EIF4A1: variants seen among roughly 807,000 people sequenced by gnomAD.
EIF4A1 encodes eukaryotic translation initiation factor 4A1.
EIF4A1 carries 11 observed loss-of-function variants against 53.5 expected under a neutral mutation model. The ratio of observed to expected loss-of-function variants is 0.21; its 90% CI spans 0.13 to 0.34. The LOEUF is 0.34. EIF4A1 is among the 10% of genes least tolerant of loss of function. The probability of loss-of-function intolerance (pLI) is 1.00; values close to 1 mark genes in which losing one functional copy is unlikely to be tolerated. For synonymous variants in EIF4A1, 237 were observed against 186.7 expected, an observed-to-expected ratio of 1.27 and a Z score of -2.20; for missense variants, 213 against 530.8, an observed-to-expected ratio of 0.40 and a Z score of 5.88.
chr17:7,577,001 T>G lies in EIF4A1; in HGVS notation c.515-55T>G. 6.3e-7 allele frequency: 1 copy of G among 1,594,556 alleles called. No homozygotes were observed. The highest frequency in any genetic ancestry group is 1.1e-5 in the South Asian group (1 of 90,062). ...TTTTATCAGCGAAGTTGGATATATC[T>G]CTCCCACATTTCCCTAATCATATGC... On this transcript the variant is annotated intron_variant, in intron 5 of 10. Transcript: ENST00000293831. The surrounding 1 kb of genome is among the most constrained non-coding windows in gnomAD (Gnocchi z 4.7).
intron 1 of EIF4A1, chr17:7,573,234 C>T (rs560608521): frequency 2.5e-5 from 10 of 400,920 alleles, no homozygotes; most frequent in Admixed American, 1.2e-4. Flanking sequence ...GGTTGCCTCC[C>T]TGTGCCGGGG....
At chr17:7,575,331 T>C in intron 4 of EIF4A1, 73 bp downstream of exon 4, 1 of 1,594,750 alleles carries the variant, frequency 6.3e-7, no homozygotes, top group Non-Finnish European at 8.6e-7. Context: ...ACCAGAGAAG[T>C]CTTCTCTGAT....
intron 1 of EIF4A1, chr17:7,573,225 G>A: frequency 2.3e-6 from 1 of 430,590 alleles, no homozygotes; most frequent in Non-Finnish European, 4.2e-6. Context: ...GGCAGGTCCG[G>A]TTGCCTCCCT....
In EIF4A1 at chr17:7,578,159, A is replaced by C; in HGVS notation, c.997-6A>C. ...ACATGCTGAAGAGTTGTCTTTCTTGACGTAGGCCAGAGGCATTGATGTGCA... is the reference window on the plus strand; with the variant it reads ...ACATGCTGAAGAGTTGTCTTTCTTGCCGTAGGCCAGAGGCATTGATGTGCA... On this transcript the variant is annotated splice_polypyrimidine_tract_variant and splice_region_variant and intron_variant, in intron 9 of 10. Coordinates refer to ENST00000293831, the MANE Select transcript of EIF4A1 (RefSeq NM_001416.4). The C allele has an allele frequency of 1.2e-6, 2 of 1,614,114 alleles. No individual in the cohort carries two copies. Among genetic ancestry groups the C allele is most frequent in the Non-Finnish European group, 1.7e-6 (2 of 1,180,018 alleles).
intron 3 of EIF4A1, 195 bp from the exon 4 acceptor site, chr17:7,574,924 C>T (rs2071380885): frequency 2.0e-6 from 2 of 1,010,896 alleles, no homozygotes; most frequent in African/African-American, 3.1e-5. Flanking sequence ...GCTTGGTGTG[C>T]AATACTAGAT....
chr17:7,572,999 A>G, intron 1 of EIF4A1, 135 bp downstream of exon 1: 2 of 1,510,682 alleles, frequency 1.3e-6, no homozygotes, highest in Non-Finnish European at 1.8e-6. Flanking sequence ...TCCGACTTGG[A>G]GGGGCGAGGG....
Position 7,576,594 on chromosome 17 carries a change from A to G in EIF4A1, c.416A>G (p.Asn139Ser), listed in dbSNP as rs1229174572. 6 of 1,613,916 alleles carry G rather than the reference A, an allele frequency of 3.7e-6. No homozygotes were observed. The highest frequency in any genetic ancestry group is 5.1e-6 in the Non-Finnish European group (6 of 1,179,968). ...TGTCACGCCTGTATCGGGGGCACCAACGTGCGTGCTGAGGTGCAGAAACTG... is the reference window on the plus strand; with the variant it reads ...TGTCACGCCTGTATCGGGGGCACCAGCGTGCGTGCTGAGGTGCAGAAACTG... ...ASCHACIGGT[N>S]VRAEVQKLQM... Residue 139 changes from asparagine to serine, a missense_variant, in exon 5 of 11, where the codon AAC (asparagine) becomes AGC (serine). Physicochemically the swap from Asn to Ser is conservative, Grantham distance 46. Transcript: ENST00000293831.
chr17:7,578,207 T>C lies in EIF4A1; in HGVS notation c.1039T>C (p.Tyr347His), dbSNP rs1296084728. 1 of 1,614,088 alleles carries C rather than the reference T, an allele frequency of 6.2e-7. No homozygotes were observed. Among genetic ancestry groups the C allele is most frequent in the African/African-American group, 1.3e-5 (1 of 74,920 alleles). Reference protein sequence around the residue: ...DVQQVSLVINYDLPTNRENYI... With the variant: ...DVQQVSLVINHDLPTNRENYI... ...GCAGCAGGTTTCTTTAGTCATCAAC[T>C]ATGACCTTCCCACCAACAGGGAAAA... Residue 347 changes from tyrosine to histidine, a missense_variant, in exon 10 of 11, where the codon TAT becomes CAT. Tyr to His is a moderately conservative substitution (Grantham distance 83, BLOSUM62 2). This residue lies in a region of EIF4A1 where 13 missense variants were observed against 103.3 expected (regional missense o/e 0.13). Transcript: ENST00000293831.
In EIF4A1 at chr17:7,572,851, A is replaced by G; in HGVS notation, c.10A>G (p.Ser4Gly). The stretch of plus-strand genomic sequence containing the variant: ...CTAGTTTCTAAGGATCATGTCTGCG[A>G]GCCAGGATTCCCGGTAAGAAAGGCA... Reference protein sequence around the residue: MSASQDSRSRDNGP... With the variant: MSAGQDSRSRDNGP... Residue 4 changes from serine to glycine, a missense_variant, in exon 1 of 11, where the codon AGC (serine) becomes GGC (glycine). Physicochemically the swap from Ser to Gly is moderately conservative, Grantham distance 56 (BLOSUM62 0). This residue lies in a region of EIF4A1 where 53 missense variants were observed against 34.0 expected (regional missense o/e 1.56). Coordinates refer to ENST00000293831, the MANE Select transcript of EIF4A1 (RefSeq NM_001416.4). 1 of 1,614,152 alleles carries G rather than the reference A, an allele frequency of 6.2e-7. No homozygotes were observed. Among genetic ancestry groups the G allele is most frequent in the Non-Finnish European group, 8.5e-7 (1 of 1,179,980 alleles).
chr17:7,576,499 T>C, intron 4 of EIF4A1, 25 bp from the exon 5 acceptor site: 1 of 1,536,858 alleles, frequency 6.5e-7, no homozygotes, highest in Non-Finnish European at 8.8e-7. Context: ...AACTGACATA[T>C]GAGCACCTGC....
chr17:7,575,792 C>A, intron 4 of EIF4A1: 1 of 221,508 alleles, frequency 4.5e-6, no homozygotes, highest in Non-Finnish European at 9.2e-6. Flanking sequence ...ACTTGGCTCT[C>A]AGTTTTCTCA....
chr17:7,576,793 C>T, intron 5 of EIF4A1, 101 bp downstream of exon 5: 1 of 1,543,610 alleles, frequency 6.5e-7, no homozygotes, highest in South Asian at 1.2e-5. Context: ...ATGCTGGTTT[C>T]TCTCTGGGGG....
Position 7,579,006 on chromosome 17 carries a change from C to T in EIF4A1, c.*520C>T, listed in dbSNP as rs2071442472. ...CTGAATAAAATGACTTGGAAACTGC[C>T]TGTTTGGGCTTCTCATTTCTTACCT... On this transcript the variant is annotated 3_prime_UTR_variant, in exon 11 of 11. Transcript: ENST00000293831. 6.5e-6 allele frequency: 1 copy of T among 154,384 alleles called. No homozygotes were observed. The allele number at this position is 154,384 out of a possible 1,614,324, so 9.6% of individuals were successfully genotyped here.
chr17:7,576,498 A>T (rs931070914), intron 4 of EIF4A1, 26 bp from the exon 5 acceptor site: 1 of 1,536,418 alleles, frequency 6.5e-7, no homozygotes, highest in South Asian at 1.3e-5. Context: ...TAACTGACAT[A>T]TGAGCACCTG....
Position 7,574,534 on chromosome 17 carries a change from T to C in EIF4A1, c.73-12T>C, listed in dbSNP as rs1319221168. 1.9e-6 allele frequency: 3 copies of C among 1,612,912 alleles called. No individual in the cohort carries two copies. The highest frequency in any genetic ancestry group is 1.7e-5 in the Admixed American group (1 of 60,006). On this transcript the variant is annotated splice_polypyrimidine_tract_variant and intron_variant, in intron 2 of 10. Coordinates refer to ENST00000293831, the MANE Select transcript of EIF4A1 (RefSeq NM_001416.4). ...TCCATGACTCAAGCTTTAATTTCTT[T>C]GCATCCCCTAGAGTAACTGGAATGA...
chr17:7,574,294 G>A lies in EIF4A1; in HGVS notation c.58G>A (p.Glu20Lys). The part of the protein sequence containing the change: ...RDNGPDGMEP[E>K]GVIESNWNEI... ...CAATGGCCCCGATGGGATGGAGCCC[G>A]AAGGCGTCATCGAGGTGAGACTGGA... Residue 20 changes from glutamate to lysine, a missense_variant, in exon 2 of 11, where the codon GAA (glutamate) becomes AAA (lysine). Physicochemically the swap from Glu to Lys is moderately conservative, Grantham distance 56 (BLOSUM62 1). This residue lies in a region of EIF4A1 where 53 missense variants were observed against 34.0 expected (regional missense o/e 1.56). Transcript: ENST00000293831. 1.2e-6 allele frequency: 2 copies of A among 1,614,198 alleles called. No individual in the cohort carries two copies. Among genetic ancestry groups the A allele is most frequent in the Non-Finnish European group, 1.7e-6 (2 of 1,180,034 alleles).
intron 4 of EIF4A1, 114 bp from the exon 5 acceptor site, chr17:7,576,407 TTAA>T (rs1294429749): frequency 2.2e-5 from 29 of 1,330,786 alleles, no homozygotes; most frequent in Non-Finnish European, 2.7e-5. Context: ...GAATGTGAGT[TTAA>T]TAATAGTGCA....
rs760720040 is a variant in EIF4A1 at position 7,576,833 on chromosome 17, T to C, written c.514+141T>C. The C allele has an allele frequency of 1.9e-5, 28 of 1,473,690 alleles. 1 individual carries two copies. The South Asian group carries it at 3.2e-4, about 17-fold the overall frequency. 91.3% of individuals were successfully genotyped at this position (1,473,690 alleles called of 1,614,324 possible). A position where few individuals can be genotyped will look rare whatever the true frequency, so the allele number is the denominator to read the frequency against. ...GCTGCTCTGTGATGGAGCCCATGCG[T>C]GTCATCTGAGCCTCTGGCTTCCCTG... On this transcript the variant is annotated intron_variant, in intron 5 of 10. Transcript: ENST00000293831.
intron 3 of EIF4A1, 150 bp downstream of exon 3, chr17:7,574,828 T>G (rs755284919): frequency 1.1e-4 from 141 of 1,337,080 alleles, no homozygotes; most frequent in Non-Finnish European, 1.2e-4. Flanking sequence ...CCATGCCTGG[T>G]TCATGCCTTG....
Sources: allele counts gnomAD v4.1 joint callset, GRCh38; gene constraint gnomAD v4.1.1; regional missense constraint gnomAD v4.1.1; non-coding constraint Gnocchi (gnomAD v3.1); transcripts MANE v1.5; gene names NCBI Gene and HGNC (gene_info 2026-07-23, HGNC 2026-07-21).